Variants in DOCK1 observed in about 807,000 individuals in gnomAD.
DOCK1 encodes the protein dedicator of cytokinesis 1.
In DOCK1, 138 loss-of-function variants were observed where a neutral mutation model predicts 262.7. That is an observed-to-expected ratio of 0.53 (90% CI 0.46 to 0.61). The LOEUF (loss-of-function observed/expected upper bound fraction) is 0.61, where lower values mean the gene tolerates loss of function less well. Ranked by LOEUF, DOCK1 falls within the 20% of genes least tolerant of loss-of-function variation. The pLI is 0.00. For synonymous variants in DOCK1, 866 were observed against 867.4 expected, an observed-to-expected ratio of 1.00 and a Z score of 0.03; for missense variants, 1,908 against 2,370.7, an observed-to-expected ratio of 0.80 and a Z score of 4.05.
chr10:127,185,317 A>T (rs993284367), intron 27 of DOCK1, among the ~76,000 whole-genome samples: 2 of 152,094 alleles, frequency 1.3e-5, no homozygotes, highest in Non-Finnish European at 2.9e-5. Context: ...TCACAAGGTC[A>T]GGAGATCAAG....
chr10:127,171,508 T>C (rs2250109), intron 27 of DOCK1, among the ~76,000 whole-genome samples: 108,474 of 151,914 alleles, frequency 0.71, 38,928 homozygotes, highest in East Asian at 0.86. Context: ...TTGTCACTTG[T>C]ATTCAAACTC....
chr10:127,411,039 C>T (rs2067816791), intron 43 of DOCK1, 115 bp downstream of exon 43: 1 of 1,018,042 alleles, frequency 9.8e-7, no homozygotes, highest in East Asian at 2.6e-5. Flanking sequence ...TATTAAATGT[C>T]TTTGTGTATT....
At chr10:127,106,162 G>A in intron 23 of DOCK1, 69 bp from the exon 24 acceptor site, 2 of 1,473,648 alleles carry the variant, frequency 1.4e-6, no homozygotes, top group Non-Finnish European at 1.8e-6. Flanking sequence ...CTTCTCATAA[G>A]GATTACAAAT....
intron 29 of DOCK1, among the ~76,000 whole-genome samples, chr10:127,297,198 G>A (rs111716565): frequency 7.2e-5 from 11 of 152,272 alleles, no homozygotes; most frequent in African/African-American, 2.6e-4. Flanking sequence ...GATGGAAGGA[G>A]GTGTTGGAAT....
intron 21 of DOCK1, among the ~76,000 whole-genome samples, chr10:127,045,232 T>G (rs2044271132): frequency 3.5e-5 from 5 of 144,802 alleles, no homozygotes; most frequent in Admixed American, 6.9e-5. Context: ...AAAAGGATCC[T>G]GTCATTCAAT....
intron 4 of DOCK1, among the ~76,000 whole-genome samples, chr10:126,984,974 CTTTTTTTTTT>C (rs553086410): frequency 3.5e-5 from 3 of 85,128 alleles, no homozygotes; most frequent in Non-Finnish European, 4.3e-5. Flanking sequence ...ATGTCCCATT[CTTTTTTTTTT>C]TTTTTTTTTT....
At chr10:127,082,358 A>C (rs2046953660) in intron 23 of DOCK1, among the ~76,000 whole-genome samples, 1 of 152,164 alleles carries the variant, frequency 6.6e-6, no homozygotes, top group African/African-American at 2.4e-5. Flanking sequence ...GTCATGTATA[A>C]AGAAAAAGAG....
intron 27 of DOCK1, among the ~76,000 whole-genome samples, chr10:127,233,700 GCAAAGGTTT>G (rs1264495309): frequency 2.0e-5 from 3 of 152,168 alleles, no homozygotes; most frequent in African/African-American, 7.2e-5. Flanking sequence ...GTGTGCCTTC[GCAAAGGTTT>G]CAGCGAACGG....
chr10:127,284,260 T>C (rs973214740), intron 29 of DOCK1, among the ~76,000 whole-genome samples: 5 of 152,194 alleles, frequency 3.3e-5, no homozygotes, highest in East Asian at 1.9e-4. Flanking sequence ...TTTGCCCATC[T>C]CATTCGGTTA....
chr10:127,439,206 C>G lies in DOCK1; in HGVS notation c.5240C>G (p.Ala1747Gly), dbSNP rs1168119339. Residue 1747 changes from alanine (A) to glycine (G), a missense_variant, in exon 49 of 52, where the codon GCT becomes GGT. Physicochemically the swap from Ala to Gly is moderately conservative, Grantham distance 60. Transcript: ENST00000623213. ...PTDISLQQSE[A>G]VILSETISPL... ...GACATTTCCCTGCAGCAGTCTGAGG[C>G]TGTGATCCTTTCGGAAACGGTAACC... 2.5e-6 allele frequency: 4 copies of G among 1,611,110 alleles called. No homozygotes were observed. The highest frequency in any genetic ancestry group is 1.1e-5 in the South Asian group (1 of 89,874).
intron 26 of DOCK1, 88 bp downstream of exon 26, chr10:127,125,689 A>G (rs1374224483): frequency 6.5e-7 from 1 of 1,527,770 alleles, no homozygotes; most frequent in East Asian, 2.3e-5. Flanking sequence ...TTAAAAATGA[A>G]AGGTCTTGAT....
At chr10:126,952,565 T>G (rs1046171793) in intron 1 of DOCK1, among the ~76,000 whole-genome samples, 37,591 of 142,458 alleles carry the variant, frequency 0.26, 5,219 homozygotes, top group African/African-American at 0.36. Flanking sequence ...TTGGTGGTAG[T>G]GTTGTTGGTG....
At chr10:127,180,807 A>G (rs2055655675) in intron 27 of DOCK1, among the ~76,000 whole-genome samples, 1 of 152,234 alleles carries the variant, frequency 6.6e-6, no homozygotes, top group Admixed American at 6.5e-5. Context: ...TCATAGAAAA[A>G]CACGAAATAA....
In DOCK1 at chr10:127,047,748, G is replaced by T. The variant is rs75328676; in HGVS notation, c.2201+4584G>T. Among the ~76,000 whole-genome samples, 1,402 of 152,264 alleles carry T rather than the reference G, an allele frequency of 9.2e-3. 14 individuals carry two copies. Among genetic ancestry groups the T allele is most frequent in the Non-Finnish European group, 0.013 (854 of 68,026 alleles). On this transcript the variant is annotated intron_variant, in intron 21 of 51. Coordinates refer to ENST00000623213, the MANE Select transcript of DOCK1 (RefSeq NM_001290223.2). ...TTGCCTGTTCTTAAACTTTACACCA[G>T]TGGGGTCATGCACTCTTTTTGTATC... is the stretch of plus-strand genomic sequence containing the variant.
chr10:127,045,602 C>A (rs1226772609), intron 21 of DOCK1, among the ~76,000 whole-genome samples: 1 of 152,186 alleles, frequency 6.6e-6, no homozygotes, highest in Non-Finnish European at 1.5e-5. Context: ...CCCTTCTTCC[C>A]AACAACACCA....
chr10:127,304,748 G>A (rs562992045), intron 29 of DOCK1, among the ~76,000 whole-genome samples: 11 of 152,132 alleles, frequency 7.2e-5, no homozygotes, highest in African/African-American at 2.6e-4. Context: ...TTGGTGTGGT[G>A]GTGCATGCCT....
intron 29 of DOCK1, among the ~76,000 whole-genome samples, chr10:127,320,610 G>C (rs1355235760): frequency 1.3e-5 from 2 of 152,178 alleles, no homozygotes; most frequent in Non-Finnish European, 2.9e-5. Context: ...CCCAGGGACA[G>C]TGGCGAGCCT....
In DOCK1 at chr10:127,024,616, T is replaced by A; in HGVS notation, c.1453-69T>A. 1.2e-5 allele frequency: 15 copies of A among 1,286,558 alleles called. No homozygotes were observed. The South Asian group carries it at 1.8e-4, about 15-fold the overall frequency. 79.7% of individuals were successfully genotyped at this position (1,286,558 alleles called of 1,614,324 possible). A position where few individuals can be genotyped will look rare whatever the true frequency, so the allele number is the denominator to read the frequency against. ...GAGCGTACCTGTCCCCCCACATATA[T>A]AGTGGGAGATGTATATGGTGTCAAG... is the stretch of plus-strand genomic sequence containing the variant. On this transcript the variant is annotated intron_variant, in intron 14 of 51. Transcript: ENST00000623213.
chr10:127,386,201 A>G (rs1244579368), intron 38 of DOCK1, among the ~76,000 whole-genome samples: 2 of 152,158 alleles, frequency 1.3e-5, no homozygotes, highest in Admixed American at 6.5e-5. Context: ...TGTCCCTGCC[A>G]TTCTTGACAC....
Sources: allele counts gnomAD v4.1 joint callset (sites outside exome capture counted in the v4.1 genomes callset), GRCh38; gene constraint gnomAD v4.1.1; transcripts MANE v1.5; gene names NCBI Gene and HGNC (gene_info 2026-07-23, HGNC 2026-07-21).